Variants in TMEM126B observed in about 807,000 individuals in gnomAD.
The protein encoded by TMEM126B is complex I assembly factor TMEM126B, mitochondrial.
In TMEM126B, 19 loss-of-function variants were observed where a neutral mutation model predicts 16.5. The ratio of observed to expected loss-of-function variants is 1.15; its 90% CI spans 0.80 to 1.69. The LOEUF (loss-of-function observed/expected upper bound fraction) is 1.69. Ranked by LOEUF, TMEM126B falls within the 40% of genes most tolerant of loss-of-function variation. The probability of loss-of-function intolerance (pLI) is 0.00; values close to 1 mark genes in which losing one functional copy is unlikely to be tolerated. For missense variants in TMEM126B, 293 were observed against 278.7 expected, an observed-to-expected ratio of 1.05 and a Z score of -0.37; for synonymous variants, 104 against 93.2, an observed-to-expected ratio of 1.12 and a Z score of -0.67.
intron 1 of TMEM126B, among the ~76,000 whole-genome samples, chr11:85,629,430 A>T: frequency 6.6e-6 from 1 of 152,196 alleles, no homozygotes; most frequent in East Asian, 1.9e-4. Flanking sequence ...GGGTGTAATG[A>T]AAGCACTGGA....
At chr11:85,629,262 G>C (rs2082194574) in intron 1 of TMEM126B, 2 of 1,287,384 alleles carry the variant, frequency 1.6e-6, no homozygotes, top group African/African-American at 1.5e-5. Flanking sequence ...AAATTCTAAA[G>C]GTGAAATTTA....
rs556933666 is a variant in TMEM126B at position 85,635,701 on chromosome 11, C to T, written c.432C>T (p.Ser144=). The stretch of plus-strand genomic sequence containing the variant: ...GCAAGGAAAACTGTGTTTTCAGAAG[C>T]TCACTGATTGGCATAGTTTGTGGTG... ...NISKENCVFR[S]SLIGIVCGVF... Residue 144 remains serine, a synonymous_variant, in exon 4 of 5, where the codon AGC becomes AGT. Coordinates refer to ENST00000358867, the MANE Select transcript of TMEM126B (RefSeq NM_018480.7). 1.5e-5 allele frequency: 24 copies of T among 1,606,834 alleles called. No homozygotes were observed. Among genetic ancestry groups the T allele is most frequent in the East Asian group, 2.2e-5 (1 of 44,538 alleles).
intron 2 of TMEM126B, 54 bp from the exon 3 acceptor site, chr11:85,634,032 G>C: frequency 8.0e-7 from 1 of 1,254,612 alleles, no homozygotes; most frequent in Non-Finnish European, 1.1e-6. Context: ...AGGAGAGGCT[G>C]TATCCATTAA....
chr11:85,635,469 A>G (rs1042212130), intron 3 of TMEM126B, among the ~76,000 whole-genome samples, 198 bp from the exon 4 acceptor site: 1 of 152,204 alleles, frequency 6.6e-6, no homozygotes, highest in South Asian at 2.1e-4. Flanking sequence ...GTAATTCTCT[A>G]TGTGATAAAG....
chr11:85,632,924 G>A (rs552857060), intron 2 of TMEM126B, among the ~76,000 whole-genome samples: 84 of 152,094 alleles, frequency 5.5e-4, no homozygotes, highest in African/African-American at 2.0e-3. Context: ...TTAGCATTAG[G>A]TAGATCTCCT....
In TMEM126B at chr11:85,636,031, CTT is replaced by C; in HGVS notation, c.510-10_510-9del. On this transcript the variant is annotated splice_polypyrimidine_tract_variant and intron_variant, in intron 4 of 4. Coordinates refer to ENST00000358867, the MANE Select transcript of TMEM126B (RefSeq NM_018480.7). ...TCATATCCAGGAGAGGTGATTAACT[CTT>C]TTTTCTTTTTAGGTATCATACCGTT... 3 of 1,550,228 alleles carry C rather than the reference CTT, an allele frequency of 1.9e-6. No homozygotes were observed. The highest frequency in any genetic ancestry group is 2.6e-6 in the Non-Finnish European group (3 of 1,159,510).
At chr11:85,628,894 G>A (rs1410888740) in intron 1 of TMEM126B, among the ~76,000 whole-genome samples, 1 of 152,176 alleles carries the variant, frequency 6.6e-6, no homozygotes, top group Non-Finnish European at 1.5e-5. Context: ...CTCATTATCT[G>A]CAGTTTGTTT....
rs182559434 is a variant in TMEM126B at position 85,628,945 on chromosome 11, T to C, written c.81+257T>C. Among the ~76,000 whole-genome samples, 31 of 152,306 alleles carry C rather than the reference T, an allele frequency of 2.0e-4. No individual in the cohort carries two copies. In the East Asian group the frequency reaches 3.5e-3, roughly 17 times the overall value. On this transcript the variant is annotated intron_variant, in intron 1 of 4. Coordinates refer to ENST00000358867, the MANE Select transcript of TMEM126B (RefSeq NM_018480.7). ...CCTTTGCACAGGCTTTTTCTTCAAC[T>C]TGGAGTATTTCCCTGCTTCTATCCG... is the stretch of plus-strand genomic sequence containing the variant.
At position 85,636,180 on chromosome 11, in the gene TMEM126B, AT is replaced by A; in HGVS notation, c.646del (p.Tyr216MetfsTer25). 2 of 1,590,212 alleles carry A rather than the reference AT, an allele frequency of 1.3e-6. No individual in the cohort carries two copies. The highest frequency in any genetic ancestry group is 1.7e-6 in the Non-Finnish European group (2 of 1,171,306). On this transcript the variant is annotated frameshift_variant, in exon 5 of 5. Transcript: ENST00000358867. LOFTEE classifies it low-confidence loss of function (END_TRUNC). ...IMFGILNGLY[H>X]YAVFEETLEK... is the part of the protein sequence containing the mutation. ...TTTGGAATATTAAATGGTCTATACC[AT>A]TATGCAGTATTTGAAGAGACACTTG...
rs1287379322 is a variant in TMEM126B at position 85,636,239 on chromosome 11, T to A, written c.*10T>A. On this transcript the variant is annotated 3_prime_UTR_variant, in exon 5 of 5. Coordinates refer to ENST00000358867, the MANE Select transcript of TMEM126B (RefSeq NM_018480.7). The stretch of plus-strand genomic sequence containing the variant: ...TATACATGAAGAGTAACCAAAAAAA[T>A]GAATGGTTGCTAACTTAGCAAAATG... The A allele has an allele frequency of 6.8e-7, 1 of 1,465,400 alleles. No homozygotes were observed. The allele number at this position is 1,465,400 out of a possible 1,614,324, so 90.8% of individuals were successfully genotyped here.
chr11:85,635,823 T>TTTC, intron 4 of TMEM126B, 45 bp downstream of exon 4: 1 of 657,016 alleles, frequency 1.5e-6, no homozygotes, highest in Non-Finnish European at 2.1e-6. Flanking sequence ...TTTCTTTTCT[T>TTTC]TTTTTTTTTT....
At chr11:85,633,471 C>T (rs1276346555) in intron 2 of TMEM126B, among the ~76,000 whole-genome samples, 1 of 152,196 alleles carries the variant, frequency 6.6e-6, no homozygotes, top group East Asian at 1.9e-4. Flanking sequence ...CCTGTTGTTT[C>T]CTGACTTTTT....
Position 85,634,217 on chromosome 11 carries a change from C to A in TMEM126B, c.335C>A (p.Thr112Lys). The A allele has an allele frequency of 6.2e-7, 1 of 1,613,780 alleles. No homozygotes were observed. The highest frequency in any genetic ancestry group is 8.5e-7 in the Non-Finnish European group (1 of 1,179,890). The change falls in exon 3 of 5, where the codon ACA (threonine) becomes AAA (lysine). Residue 112 changes from threonine to lysine, a missense_variant. By Grantham distance (78) the Thr-to-Lys change is moderately conservative. Coordinates refer to ENST00000358867, the MANE Select transcript of TMEM126B (RefSeq NM_018480.7). ...DALKTYASLA[T>K]LPFLSTVVTD... Reference sequence around the variant, plus strand: ...TTGAAGACATATGCATCATTGGCTACACTTCCATTTTTGTCTACTGTTGTT... The same window carrying A: ...TTGAAGACATATGCATCATTGGCTAAACTTCCATTTTTGTCTACTGTTGTT...
chr11:85,631,956 A>G lies in TMEM126B; in HGVS notation c.203+148A>G, dbSNP rs548046319. 1.1e-4 allele frequency: 76 copies of G among 706,104 alleles called. 1 individual carries two copies. The South Asian group carries it at 2.2e-3, about 20-fold the overall frequency. 43.7% of individuals were successfully genotyped at this position (706,104 alleles called of 1,614,324 possible). Reference sequence around the variant, plus strand: ...GGCTATGAAGAACACATCTTTAAAAAAAAGAATGGGGGAAACAAGAACAGA... The same window carrying G: ...GGCTATGAAGAACACATCTTTAAAAGAAAGAATGGGGGAAACAAGAACAGA... On this transcript the variant is annotated intron_variant, in intron 2 of 4. Coordinates refer to ENST00000358867, the MANE Select transcript of TMEM126B (RefSeq NM_018480.7).
chr11:85,635,918 G>A (rs1171085472), intron 4 of TMEM126B, 128 bp from the exon 5 acceptor site: 3 of 1,158,176 alleles, frequency 2.6e-6, no homozygotes, highest in African/African-American at 3.2e-5. Context: ...ATTTCAGATA[G>A]CTAACTTTTA....
At chr11:85,632,593 C>T (rs1466623052) in intron 2 of TMEM126B, among the ~76,000 whole-genome samples, 11 of 149,658 alleles carry the variant, frequency 7.4e-5, no homozygotes, top group Admixed American at 7.2e-4. Context: ...AAATCTTGGA[C>T]AAATTATTTT....
In TMEM126B at chr11:85,628,636, C is replaced by G. The variant is rs1033838730; in HGVS notation, c.29C>G (p.Thr10Ser). 1.3e-6 allele frequency: 2 copies of G among 1,536,048 alleles called. No homozygotes were observed. Among genetic ancestry groups the G allele is most frequent in the African/African-American group, 1.4e-5 (1 of 73,060 alleles). Reference protein sequence around the residue: MVVFGYEAGTKPRDSGVVPV... With the variant: MVVFGYEAGSKPRDSGVVPV... Reference sequence around the variant, plus strand: ...GTGGTGTTCGGGTATGAGGCTGGGACTAAGCCAAGGGATTCAGGTGTGGTG... The same window carrying G: ...GTGGTGTTCGGGTATGAGGCTGGGAGTAAGCCAAGGGATTCAGGTGTGGTG... Residue 10 changes from threonine to serine, a missense_variant, in exon 1 of 5, where the codon ACT (threonine) becomes AGT (serine). Transcript: ENST00000358867.
chr11:85,629,320 C>A, intron 1 of TMEM126B: 1 of 1,062,760 alleles, frequency 9.4e-7, no homozygotes, highest in Non-Finnish European at 1.3e-6. Flanking sequence ...CACATGAAAG[C>A]ACTACAAAAC....
At chr11:85,631,191 CTG>C (rs2082289978) in intron 1 of TMEM126B, 1 of 1,290,320 alleles carries the variant, frequency 7.8e-7, no homozygotes, top group African/African-American at 1.5e-5. Context: ...TCATGAGAAA[CTG>C]AGGATAGAGA....
Sources: allele counts gnomAD v4.1 joint callset (sites outside exome capture counted in the v4.1 genomes callset), GRCh38; gene constraint gnomAD v4.1.1; transcripts MANE v1.5; gene names NCBI Gene and HGNC (gene_info 2026-07-23, HGNC 2026-07-21).